Variants in WNK1 observed in about 807,000 individuals in gnomAD.
WNK1 encodes the protein WNK lysine deficient protein kinase 1, also known as serine/threonine-protein kinase WNK1.
WNK1 carries 38 observed loss-of-function variants against 222.8 expected under a neutral mutation model. The ratio of observed to expected loss-of-function variants is 0.17; its 90% CI spans 0.13 to 0.22. The LOEUF (loss-of-function observed/expected upper bound fraction) is 0.22, where lower values mean the gene tolerates loss of function less well. Among genes scored for constraint, WNK1 ranks in the 10% least tolerant of loss-of-function variants. The pLI, the probability that WNK1 is intolerant of heterozygous loss-of-function variation, is 1.00. For missense variants in WNK1, 2,348 were observed against 2,918.4 expected (o/e 0.80, Z 4.50); for synonymous variants, 1,090 against 1,092.9 (o/e 1.00, Z 0.05).
rs999299058 is a variant in WNK1 at position 865,188 on chromosome 12, C to CT, written c.2139+2919dup. 34 of 1,469,196 alleles carry CT rather than the reference C, an allele frequency of 2.3e-5. No homozygotes were observed. The highest frequency in any genetic ancestry group is 4.3e-5 in the Admixed American group (2 of 46,692). 91.0% of individuals were successfully genotyped at this position (1,469,196 alleles called of 1,614,324 possible). On this transcript the variant is annotated intron_variant, in intron 8 of 27. Coordinates refer to ENST00000315939, the MANE Select transcript of WNK1 (RefSeq NM_018979.4). ...TCTGTGTCCCGCATCTCTCCCAGTG[C>CT]TCTTCCACCCCACCGCCAGTACTGT... is the stretch of plus-strand genomic sequence containing the variant.
chr12:814,331 A>G (rs1479896102), intron 2 of WNK1, among the ~76,000 whole-genome samples: 1 of 152,102 alleles, frequency 6.6e-6, no homozygotes, highest in Non-Finnish European at 1.5e-5. Context: ...CAAAAAAAAA[A>G]AAAAAGAGTG....
At chr12:805,924 G>GA (rs918468076) in intron 1 of WNK1, among the ~76,000 whole-genome samples, 1 of 150,944 alleles carries the variant, frequency 6.6e-6, no homozygotes, top group Non-Finnish European at 1.5e-5. Flanking sequence ...ATTTAAAGAA[G>GA]AAAAAAAAAT....
intron 1 of WNK1, among the ~76,000 whole-genome samples, chr12:785,076 C>A (rs1944132565): frequency 6.6e-6 from 1 of 152,066 alleles, no homozygotes; most frequent in Non-Finnish European, 1.5e-5. Flanking sequence ...ATTCTATTTT[C>A]TTCTAGCTTC....
intron 3 of WNK1, among the ~76,000 whole-genome samples, chr12:828,566 G>A (rs924644398): frequency 5.3e-5 from 8 of 151,962 alleles, no homozygotes; most frequent in African/African-American, 1.5e-4. Flanking sequence ...CCAGTAGCAC[G>A]CTCCCTCTGT....
At chr12:908,055 A>C in intron 27 of WNK1, 21 bp downstream of exon 27, 24 of 1,613,454 alleles carry the variant, frequency 1.5e-5, no homozygotes, top group Non-Finnish European at 2.0e-5. Context: ...CTTTTGCCGC[A>C]GAGAATCCGT....
intron 26 of WNK1, among the ~76,000 whole-genome samples, chr12:901,822 A>G (rs994301124): frequency 1.3e-5 from 2 of 152,196 alleles, no homozygotes; most frequent in Non-Finnish European, 2.9e-5. Context: ...TATGATAAAA[A>G]ATGTCAAAAT....
At chr12:825,284 C>T (rs1377455342) in intron 2 of WNK1, among the ~76,000 whole-genome samples, 3 of 152,152 alleles carry the variant, frequency 2.0e-5, no homozygotes, top group African/African-American at 7.2e-5. Context: ...AATTAGCCCA[C>T]CCAAATGAAG....
intron 1 of WNK1, among the ~76,000 whole-genome samples, chr12:803,793 T>G (rs1374603688): frequency 6.6e-6 from 1 of 152,100 alleles, no homozygotes; most frequent in Non-Finnish European, 1.5e-5. Context: ...GTGACAAATA[T>G]CAGAGGGACA....
intron 6 of WNK1, 143 bp from the exon 7 acceptor site, chr12:860,870 A>G (rs1354037130): frequency 2.5e-6 from 2 of 799,124 alleles, no homozygotes; most frequent in Non-Finnish European, 4.1e-6. Context: ...CAGTTCGGTT[A>G]AGGCCAGTCC....
chr12:900,846 C>A, intron 26 of WNK1, 176 bp downstream of exon 26: 1 of 791,730 alleles, frequency 1.3e-6, no homozygotes, highest in Non-Finnish European at 2.2e-6. Flanking sequence ...TCGGTGGGCT[C>A]ACTGCTCCCA....
rs1302582079 is a variant in WNK1, at chr12:885,864, C to G, written c.5060C>G (p.Thr1687Ser). ...SLETSLVIES[T>S]VTPGIPTTAV... ...GAGACCTCACTAGTCATAGAGAGCA[C>G]TGTCACACCAGGCATCCCAACTACT... Residue 1687 changes from threonine to serine, a missense_variant, in exon 19 of 28, where the codon ACT (threonine) becomes AGT (serine). By Grantham distance (58) the Thr-to-Ser change is moderately conservative. This residue lies in a region of WNK1 where 1,144 missense variants were observed against 1,273.6 expected (regional missense o/e 0.90). Transcript: ENST00000315939. 1 of 1,613,682 alleles carries G rather than the reference C, an allele frequency of 6.2e-7. No homozygotes were observed. The highest frequency in any genetic ancestry group is 1.7e-5 in the Admixed American group (1 of 59,992).
At chr12:851,682 T>G in intron 4 of WNK1, 12 of 1,321,444 alleles carry the variant, frequency 9.1e-6, no homozygotes, top group Non-Finnish European at 1.1e-5. Flanking sequence ...AAATCTGTTT[T>G]GCCTTTTCTG....
intron 4 of WNK1, among the ~76,000 whole-genome samples, chr12:838,751 G>A (rs535195533): frequency 6.6e-6 from 1 of 152,026 alleles, no homozygotes; most frequent in Non-Finnish European, 1.5e-5. Context: ...CAGTCATTGG[G>A]TTAAGGACCC....
chr12:896,338 A>G lies in WNK1; in HGVS notation c.5851A>G (p.Thr1951Ala), dbSNP rs72650764. The stretch of plus-strand genomic sequence containing the variant: ...GGTTGGACGTTTTCAGGTGACAACT[A>G]CAGCAAACAAAGTGGGTCGTTTCTC... ...TKVGRFQVTT[T>A]ANKVGRFSVS... is the part of the protein sequence containing the mutation. Residue 1951 changes from threonine to alanine, a missense_variant, in exon 24 of 28, where the codon ACA becomes GCA. By Grantham distance (58) the Thr-to-Ala change is moderately conservative (BLOSUM62 0). This residue lies in a region of WNK1 where 1,144 missense variants were observed against 1,273.6 expected (regional missense o/e 0.90). Coordinates refer to ENST00000315939, the MANE Select transcript of WNK1 (RefSeq NM_018979.4). 4.1e-4 allele frequency: 666 copies of G among 1,614,106 alleles called. 1 individual carries two copies. The highest frequency in any genetic ancestry group is 5.4e-4 in the Non-Finnish European group (638 of 1,180,050).
At chr12:893,426 A>G (rs1954448042) in intron 22 of WNK1, among the ~76,000 whole-genome samples, 1 of 152,232 alleles carries the variant, frequency 6.6e-6, no homozygotes, top group Admixed American at 6.5e-5. Context: ...ACATGAAAAC[A>G]TAAAAATCGC....
Position 827,820 on chromosome 12 carries a change from C to T in WNK1, c.1153+558C>T, listed in dbSNP as rs531511842. On this transcript the variant is annotated intron_variant, in intron 3 of 27. Coordinates refer to ENST00000315939, the MANE Select transcript of WNK1 (RefSeq NM_018979.4). The surrounding 1 kb of genome is among the most constrained non-coding windows in gnomAD (Gnocchi z 4.6). ...TTGGGATTACAGGCGTGAGCCACCC[C>T]GCCCAGCCAGCCATCTTTTCATTAC... is the stretch of plus-strand genomic sequence containing the variant. Among the ~76,000 whole-genome samples, 46 of 152,196 alleles carry T rather than the reference C, an allele frequency of 3.0e-4. 1 individual carries two copies. Among genetic ancestry groups the T allele is most frequent in the Admixed American group, 2.3e-3 (35 of 15,280 alleles).
chr12:787,053 C>T (rs1944380425), intron 1 of WNK1, among the ~76,000 whole-genome samples: 1 of 151,878 alleles, frequency 6.6e-6, no homozygotes. Flanking sequence ...AGTAGTCTAT[C>T]TTTTATGTAA....
intron 2 of WNK1, among the ~76,000 whole-genome samples, chr12:816,986 AAGAC>A (rs1263252815): frequency 1.2e-4 from 18 of 152,236 alleles, no homozygotes; most frequent in Non-Finnish European, 7.3e-5. Flanking sequence ...AAAGAAAAAA[AAGAC>A]AGGCATAATT....
chr12:817,151 A>T (rs1011313753), intron 2 of WNK1, among the ~76,000 whole-genome samples: 4 of 152,170 alleles, frequency 2.6e-5, no homozygotes, highest in Admixed American at 2.6e-4. Flanking sequence ...GAAAATATTT[A>T]AAGAGGATGA....
Sources: gnomAD v4.1 joint callset for allele counts (sites outside exome capture counted in the v4.1 genomes callset) on GRCh38, gnomAD v4.1.1 for gene constraint, gnomAD v4.1.1 regional missense constraint, Gnocchi (gnomAD v3.1) non-coding constraint, MANE v1.5 for transcripts, NCBI Gene and HGNC (gene_info 2026-07-23, HGNC 2026-07-21) for gene names.